The following TSPEAR variants were observed in gnomAD, a reference collection of about 807,000 sequenced individuals.
TSPEAR encodes the protein thrombospondin type laminin G domain and EAR repeats, also known as thrombospondin-type laminin G domain and EAR repeat-containing protein.
A neutral mutation model predicts 71.6 loss-of-function variants in TSPEAR; 69 were observed. The ratio of observed to expected loss-of-function variants is 0.96; its 90% CI spans 0.79 to 1.18. TSPEAR has a LOEUF of 1.18. Ranked by LOEUF, TSPEAR falls within the 50% of genes most tolerant of loss-of-function variation. The pLI, the probability that TSPEAR is intolerant of heterozygous loss-of-function variation, is 0.00. For missense variants in TSPEAR, 971 were observed against 894.9 expected (o/e 1.09, Z -1.09); for synonymous variants, 402 against 387.2 (o/e 1.04, Z -0.45).
intron 6 of TSPEAR, 21 bp downstream of exon 6, chr21:44,528,431 C>T: frequency 6.2e-7 from 1 of 1,613,368 alleles, no homozygotes; most frequent in Non-Finnish European, 8.5e-7. Context: ...TGCCAACGCC[C>T]CGGGTGCAGG....
At chr21:44,654,352 G>T in intron 1 of TSPEAR, 1 of 1,614,164 alleles carries the variant, frequency 6.2e-7, no homozygotes, top group Non-Finnish European at 8.5e-7. Flanking sequence ...GCACCCAGAG[G>T]TTGGGCAGAA....
intron 2 of TSPEAR, chr21:44,551,210 A>C: frequency 6.3e-7 from 1 of 1,586,678 alleles, no homozygotes; most frequent in Non-Finnish European, 8.7e-7. Flanking sequence ...GCTGGCAGCT[A>C]GACTGCTGGC....
At chr21:44,517,135 C>G in intron 9 of TSPEAR, 1 of 152,570 alleles carries the variant, frequency 6.6e-6, no homozygotes, top group South Asian at 2.1e-4. Context: ...CCACAGCCCC[C>G]AAACCCCCTC....
chr21:44,576,658 G>A (rs587727694), intron 1 of TSPEAR, among the ~76,000 whole-genome samples: 1 of 152,314 alleles, frequency 6.6e-6, no homozygotes, highest in East Asian at 1.9e-4. Context: ...CTACAGTGCT[G>A]TTTCCCTTCA....
In TSPEAR at chr21:44,498,109, A is replaced by G. The variant is rs1182202149; in HGVS notation, c.*1674T>C. 3.9e-5 allele frequency: 6 copies of G among 152,232 alleles called. No individual in the cohort carries two copies. The East Asian group carries it at 1.2e-3, about 29-fold the overall frequency. 9.4% of individuals were successfully genotyped at this position (152,232 alleles called of 1,614,324 possible). On this transcript the variant is annotated 3_prime_UTR_variant, in exon 12 of 12. Transcript: ENST00000323084. ...TCAGTTACCTGTTTATCTCGTGCTC[A>G]GTAAATTGGCACTTTCCATGAGATA...
In TSPEAR at chr21:44,551,187, G is replaced by A. The variant is rs201722971; in HGVS notation, c.303+16598C>T. ...GCAGGCCTGCTGGCAGGGGGAGGAG[G>A]TGCAGCAAGCCGGCTGGCAGCTAGA... On this transcript the variant is annotated intron_variant, in intron 2 of 11. Transcript: ENST00000323084. The A allele has an allele frequency of 1.0e-5, 16 of 1,595,440 alleles. No homozygotes were observed. In the Admixed American group the frequency reaches 2.2e-4, roughly 22 times the overall value.
At chr21:44,616,999 T>G (rs1256078278) in intron 1 of TSPEAR, among the ~76,000 whole-genome samples, 2 of 152,150 alleles carry the variant, frequency 1.3e-5, no homozygotes, top group Non-Finnish European at 2.9e-5. Context: ...GAGGGTGCAG[T>G]GGGGAACCCT....
intron 1 of TSPEAR, chr21:44,702,464 C>G (rs1987702161): frequency 6.2e-7 from 1 of 1,609,612 alleles, no homozygotes; most frequent in Non-Finnish European, 8.5e-7. Context: ...AGCCAGCAGT[C>G]CTGCTGTGTG....
chr21:44,504,358 C>T (rs1393492951), intron 11 of TSPEAR, among the ~76,000 whole-genome samples: 1 of 115,002 alleles, frequency 8.7e-6, no homozygotes, highest in African/African-American at 3.5e-5. Flanking sequence ...GGTGAGCCCT[C>T]GGGGGAAGCA....
chr21:44,694,805 C>T (rs1201380831), intron 1 of TSPEAR, among the ~76,000 whole-genome samples: 5 of 152,092 alleles, frequency 3.3e-5, no homozygotes, highest in Admixed American at 6.5e-5. Flanking sequence ...AAAAGTGGCT[C>T]GAGTAGCTCG....
At chr21:44,627,402 C>T (rs782684218) in intron 1 of TSPEAR, 2 of 1,613,952 alleles carry the variant, frequency 1.2e-6, no homozygotes, top group East Asian at 4.5e-5. Flanking sequence ...CCTGCACGCC[C>T]TCGTGCTGCC....
chr21:44,684,715 T>C (rs1170447879), intron 1 of TSPEAR, among the ~76,000 whole-genome samples: 5 of 151,940 alleles, frequency 3.3e-5, no homozygotes, highest in Admixed American at 3.3e-4. Context: ...CGTGCACGGA[T>C]GTGCTTTAGG....
chr21:44,620,500 C>T (rs1327123821), intron 1 of TSPEAR, among the ~76,000 whole-genome samples: 6 of 152,216 alleles, frequency 3.9e-5, no homozygotes, highest in East Asian at 1.9e-4. Flanking sequence ...TTTTTATTAA[C>T]GTAAGGTCAG....
chr21:44,568,300 G>T (rs2053731607), intron 1 of TSPEAR, among the ~76,000 whole-genome samples: 1 of 152,208 alleles, frequency 6.6e-6, no homozygotes, highest in Non-Finnish European at 1.5e-5. Context: ...TCGGCAGCCA[G>T]GCACTGTGCA....
At chr21:44,628,241 T>G (rs9983141) in intron 1 of TSPEAR, 360,212 of 569,170 alleles carry the variant, frequency 0.63, 118,614 homozygotes, top group Admixed American at 0.68. Flanking sequence ...AGCCCTGGCT[T>G]CTCCTCACGG....
rs1555917801 is a variant in TSPEAR at position 44,546,931 on chromosome 21, T to G, written c.304-13008A>C. Among the ~76,000 whole-genome samples the G allele has an allele frequency of 6.6e-6, 1 of 152,214 alleles. No homozygotes were observed. Among genetic ancestry groups the G allele is most frequent in the Non-Finnish European group, 1.5e-5 (1 of 68,034 alleles). On this transcript the variant is annotated intron_variant, in intron 2 of 11. Coordinates refer to ENST00000323084, the MANE Select transcript of TSPEAR (RefSeq NM_144991.3). This position sits in a 1 kb window ranked among gnomAD's most constrained non-coding sequence, Gnocchi z 4.4. ...TATGTCTTCTCAATTTGGGAAGTTTTGGCCATTATTTCTTCAATTATTTTT... is the reference window on the plus strand; with the variant it reads ...TATGTCTTCTCAATTTGGGAAGTTTGGGCCATTATTTCTTCAATTATTTTT...
chr21:44,538,874 C>T lies in TSPEAR; in HGVS notation c.304-4951G>A, dbSNP rs2053144604. 3 of 264,584 alleles carry T rather than the reference C, an allele frequency of 1.1e-5. No individual in the cohort carries two copies. The South Asian group carries it at 1.7e-4, about 15-fold the overall frequency. The allele number at this position is 264,584 out of a possible 1,614,324, so 16.4% of individuals were successfully genotyped here. The stretch of plus-strand genomic sequence containing the variant: ...CCTGGAGGAGTTAGGCCACTGTCCC[C>T]TGTGACTTCTAGGTTAAGTCACTCA... On this transcript the variant is annotated intron_variant, in intron 2 of 11. Coordinates refer to ENST00000323084, the MANE Select transcript of TSPEAR (RefSeq NM_144991.3).
intron 8 of TSPEAR, among the ~76,000 whole-genome samples, chr21:44,523,805 C>G (rs1380811498): frequency 6.6e-6 from 1 of 150,590 alleles, no homozygotes; most frequent in African/African-American, 2.5e-5. Flanking sequence ...GTCAGTCAGT[C>G]AGTCAGTCAG....
intron 1 of TSPEAR, among the ~76,000 whole-genome samples, chr21:44,656,056 G>A (rs1985125503): frequency 6.6e-6 from 1 of 152,190 alleles, no homozygotes; most frequent in Non-Finnish European, 1.5e-5. Flanking sequence ...TTAAGGCCTA[G>A]GGACAAGCCG....
Sources: gnomAD v4.1 joint callset for allele counts (sites outside exome capture counted in the v4.1 genomes callset) on GRCh38, gnomAD v4.1.1 for gene constraint, Gnocchi (gnomAD v3.1) non-coding constraint, MANE v1.5 for transcripts, NCBI Gene and HGNC (gene_info 2026-07-23, HGNC 2026-07-21) for gene names.